Variants in KCNN2 observed in about 807,000 individuals in gnomAD.
KCNN2 encodes small conductance calcium-activated potassium channel protein 2.
KCNN2 carries 24 observed loss-of-function variants against 55.5 expected under a neutral mutation model. That is an observed-to-expected ratio of 0.43 (90% CI 0.31 to 0.61). The LOEUF (loss-of-function observed/expected upper bound fraction) is 0.61, where lower values mean the gene tolerates loss of function less well. KCNN2 is among the 20% of genes least tolerant of loss of function. The pLI, the probability that KCNN2 is intolerant of heterozygous loss-of-function variation, is 0.08. For missense variants in KCNN2, 754 were observed against 853.6 expected, an observed-to-expected ratio of 0.88 and a Z score of 1.45; for synonymous variants, 431 against 336.1, an observed-to-expected ratio of 1.28 and a Z score of -3.09.
intron 1 of KCNN2, among the ~76,000 whole-genome samples, chr5:114,162,641 G>C (rs983776548): frequency 2.6e-5 from 4 of 152,178 alleles, no homozygotes; most frequent in Non-Finnish European, 5.9e-5. Flanking sequence ...GAGCTGTGGT[G>C]GGCTCCACCC....
intron 2 of KCNN2, among the ~76,000 whole-genome samples, chr5:114,378,208 C>T (rs1004349508): frequency 5.9e-5 from 9 of 152,156 alleles, no homozygotes; most frequent in African/African-American, 1.7e-4. Flanking sequence ...ACAGCCACGC[C>T]CACTTGTTCA....
Position 114,465,701 on chromosome 5 carries a change from C to T in KCNN2, c.1779+2511C>T, listed in dbSNP as rs569400827. Among the ~76,000 whole-genome samples the T allele has an allele frequency of 1.4e-4, 22 of 152,202 alleles. 1 individual carries two copies. The highest frequency in any genetic ancestry group is 6.2e-4 in the South Asian group (3 of 4,822). On this transcript the variant is annotated intron_variant, in intron 4 of 7. Coordinates refer to ENST00000673685, the MANE Select transcript of KCNN2 (RefSeq NM_021614.4). Reference sequence around the variant, plus strand: ...TATGTAATGGAATTTATGGTGACTTCGTTCCAGCCCTTAAGCTTATGGTAA... The same window carrying T: ...TATGTAATGGAATTTATGGTGACTTTGTTCCAGCCCTTAAGCTTATGGTAA...
intron 2 of KCNN2, among the ~76,000 whole-genome samples, chr5:114,232,925 G>GTTTTTTTTGTTTTTTTTTTTT (rs554932578): frequency 1.3e-5 from 1 of 76,276 alleles, no homozygotes; most frequent in African/African-American, 4.6e-5. Context: ...ATTGTTTCTT[G>GTTTTTTTTGTTTTTTTTTTTT]TTTTTTTTTT....
chr5:114,436,737 T>C (rs926529045), intron 3 of KCNN2, among the ~76,000 whole-genome samples: 1 of 152,208 alleles, frequency 6.6e-6, no homozygotes, highest in Non-Finnish European at 1.5e-5. Context: ...GAATGAATCA[T>C]GCAGTTCAGC....
intron 1 of KCNN2, among the ~76,000 whole-genome samples, chr5:114,216,920 G>C (rs906989513): frequency 5.3e-5 from 8 of 152,060 alleles, no homozygotes; most frequent in Admixed American, 2.0e-4. Context: ...AAGGTTGCAG[G>C]ATACAAGGTA....
chr5:114,329,031 C>T (rs911110564), intron 2 of KCNN2, among the ~76,000 whole-genome samples: 3 of 152,152 alleles, frequency 2.0e-5, no homozygotes, highest in African/African-American at 7.2e-5. Context: ...TTGAATGTTC[C>T]AACAGCCTTG....
chr5:114,299,614 C>T (rs1424477896), intron 2 of KCNN2, among the ~76,000 whole-genome samples: 1 of 152,130 alleles, frequency 6.6e-6, no homozygotes, highest in African/African-American at 2.4e-5. Context: ...CATCTGTGCT[C>T]ACTGACCTCC....
At chr5:114,194,600 T>A (rs376081976) in intron 1 of KCNN2, among the ~76,000 whole-genome samples, 1 of 152,108 alleles carries the variant, frequency 6.6e-6, no homozygotes, top group East Asian at 1.9e-4. Flanking sequence ...TGAATGTAAG[T>A]CCTTTAGCAC....
chr5:114,436,585 G>A (rs1029794017), intron 3 of KCNN2, among the ~76,000 whole-genome samples: 4 of 152,096 alleles, frequency 2.6e-5, no homozygotes, highest in Admixed American at 1.3e-4. Flanking sequence ...ATACTTGGAC[G>A]GTTGTTTGGT....
chr5:114,330,385 C>T (rs1440234788), intron 2 of KCNN2, among the ~76,000 whole-genome samples: 1 of 152,114 alleles, frequency 6.6e-6, no homozygotes, highest in African/African-American at 2.4e-5. Context: ...TTTTTGAATC[C>T]CTAGCAATAC....
At chr5:114,243,419 G>C (rs1471245293) in intron 2 of KCNN2, among the ~76,000 whole-genome samples, 1 of 152,096 alleles carries the variant, frequency 6.6e-6, no homozygotes, top group African/African-American at 2.4e-5. Flanking sequence ...GTAATCCTGA[G>C]TAGCGTGATG....
chr5:114,306,653 C>T (rs73779788), intron 2 of KCNN2, among the ~76,000 whole-genome samples: 1 of 150,930 alleles, frequency 6.6e-6, no homozygotes, highest in Admixed American at 6.6e-5. Context: ...GCAGAAGTAC[C>T]TTTACTACCC....
rs146917147 is a variant in KCNN2 at position 114,446,179 on chromosome 5, C to T, written c.1638-16870C>T. Among the ~76,000 whole-genome samples, 58 of 152,218 alleles carry T rather than the reference C, an allele frequency of 3.8e-4. No homozygotes were observed. The East Asian group carries it at 0.01, about 26-fold the overall frequency. ...TCTTTAAAGTATTCGACTTATTTTCCTTGTCCAAGAAGCATCACAACAAAA... is the reference window on the plus strand; with the variant it reads ...TCTTTAAAGTATTCGACTTATTTTCTTTGTCCAAGAAGCATCACAACAAAA... On this transcript the variant is annotated intron_variant, in intron 3 of 7. Transcript: ENST00000673685.
At position 114,137,918 on chromosome 5, in the gene KCNN2, G is replaced by A. The variant is rs369261519; in HGVS notation, c.-271+81418G>A. On this transcript the variant is annotated intron_variant, in intron 1 of 10. Transcript: ENST00000512097. ...ATTTGTTTTTAACTAGTTGCAATAA[G>A]TGGTATGTGGAAACATTAAAGAATA... is the stretch of plus-strand genomic sequence containing the variant. Among the ~76,000 whole-genome samples the A allele has an allele frequency of 5.3e-5, 8 of 152,258 alleles. No homozygotes were observed. In the East Asian group the frequency reaches 1.5e-3, roughly 29 times the overall value.
intron 5 of KCNN2, chr5:114,486,760 TA>T (rs574199054): frequency 0.13 from 104,484 of 822,960 alleles, 1 homozygote; most frequent in South Asian, 0.21. Context: ...ACCCCTTGAT[TA>T]AAAAAAAAAA....
chr5:114,301,353 G>T (rs1756155617), intron 2 of KCNN2, among the ~76,000 whole-genome samples: 1 of 152,084 alleles, frequency 6.6e-6, no homozygotes, highest in Admixed American at 6.6e-5. Context: ...CCTTCATTCT[G>T]GTTAGAATTA....
intron 3 of KCNN2, among the ~76,000 whole-genome samples, chr5:114,406,900 T>C (rs1043971947): frequency 6.6e-6 from 1 of 152,174 alleles, no homozygotes; most frequent in African/African-American, 2.4e-5. Context: ...TGGGAGTCTT[T>C]AGTCTTCTCT....
chr5:114,476,265 T>C (rs889679041), intron 5 of KCNN2, among the ~76,000 whole-genome samples: 1 of 144,768 alleles, frequency 6.9e-6, no homozygotes, highest in African/African-American at 2.6e-5. Context: ...ATTAAGAAAA[T>C]GTGGCACATA....
intron 3 of KCNN2, among the ~76,000 whole-genome samples, chr5:114,429,320 TAGAA>T (rs1454313847): frequency 2.6e-5 from 4 of 152,220 alleles, no homozygotes. Flanking sequence ...CTAAAAAGAA[TAGAA>T]AGGATCAATT....
Sources: allele counts gnomAD v4.1 joint callset (sites outside exome capture counted in the v4.1 genomes callset), GRCh38; gene constraint gnomAD v4.1.1; transcripts MANE v1.5; gene names NCBI Gene and HGNC (gene_info 2026-07-23, HGNC 2026-07-21).